Variants in EIF2AK3 observed in about 807,000 individuals in gnomAD.
EIF2AK3 encodes the protein eukaryotic translation initiation factor 2-alpha kinase 3.
In EIF2AK3, 50 loss-of-function variants were observed where a neutral mutation model predicts 113.5. The ratio of observed to expected loss-of-function variants is 0.44; its 90% CI spans 0.35 to 0.56. The LOEUF is 0.56. Ranked by LOEUF, EIF2AK3 falls within the 20% of genes least tolerant of loss-of-function variation. The probability of loss-of-function intolerance (pLI) is 0.00; values close to 1 mark genes in which losing one functional copy is unlikely to be tolerated. For synonymous variants in EIF2AK3, 448 were observed against 495.4 expected (o/e 0.90, Z 1.27); for missense variants, 1,185 against 1,378.0 (o/e 0.86, Z 2.22).
chr2:88,565,342 A>AT (rs1353439496), intron 14 of EIF2AK3, among the ~76,000 whole-genome samples: 7 of 138,364 alleles, frequency 5.1e-5, no homozygotes, highest in Non-Finnish European at 3.1e-5. Flanking sequence ...GGCCAAAAAA[A>AT]CTTTTTTTTT....
chr2:88,586,614 T>G (rs899434920), intron 8 of EIF2AK3, among the ~76,000 whole-genome samples: 22 of 148,920 alleles, frequency 1.5e-4, no homozygotes, highest in Non-Finnish European at 2.5e-4. Flanking sequence ...TTTTTTTTTT[T>G]GAGACAGGGT....
intron 2 of EIF2AK3, among the ~76,000 whole-genome samples, chr2:88,608,882 A>AT (rs70958959): frequency 8.1e-4 from 103 of 126,640 alleles, no homozygotes; most frequent in African/African-American, 1.2e-3. Context: ...TAATTTTTGT[A>AT]TTTTTTTTTT....
At chr2:88,569,442 G>C (rs1340186033) in intron 14 of EIF2AK3, among the ~76,000 whole-genome samples, 1 of 152,050 alleles carries the variant, frequency 6.6e-6, no homozygotes, top group East Asian at 1.9e-4. Flanking sequence ...AATGTTAAAA[G>C]TTGAGCTTTT....
chr2:88,587,453 TTCA>T (rs1432826893), intron 8 of EIF2AK3, among the ~76,000 whole-genome samples: 1 of 152,118 alleles, frequency 6.6e-6, no homozygotes, highest in Non-Finnish European at 1.5e-5. Flanking sequence ...GAAAATGTAT[TTCA>T]TGCCAAATCT....
upstream of EIF2AK3, chr2:88,627,465 A>G (rs1558669195): frequency 3.5e-5 from 22 of 623,830 alleles, no homozygotes; most frequent in East Asian, 7.5e-4. Flanking sequence ...GTGACAGCCT[A>G]TCTCGGACAT....
intron 1 of EIF2AK3, among the ~76,000 whole-genome samples, chr2:88,622,117 G>C (rs541797673): frequency 1.3e-5 from 2 of 152,132 alleles, no homozygotes; most frequent in Non-Finnish European, 2.9e-5. Flanking sequence ...GGCTGGTCTT[G>C]AACTCCTGAC....
At position 88,575,440 on chromosome 2, in the gene EIF2AK3, G is replaced by A. The variant is rs776493747; in HGVS notation, c.2043C>T (p.Asp681=). The part of the protein sequence containing the change: ...DEIWLKDEST[D]WPLSSPSPMD... ...TTGGGCTAGGAGAGCTGAGTGGCCA[G>A]TCTGTGCTAAAAGTGGGAGAAATAC... The change falls in exon 13 of 17, where the codon GAC becomes GAT. Residue 681 remains aspartate (D), a synonymous_variant. Coordinates refer to ENST00000303236, the MANE Select transcript of EIF2AK3 (RefSeq NM_004836.7). 1.7e-5 allele frequency: 28 copies of A among 1,606,556 alleles called. No homozygotes were observed. The highest frequency in any genetic ancestry group is 8.3e-5 in the Admixed American group (5 of 60,008).
chr2:88,570,728 T>C (rs1674283125), intron 14 of EIF2AK3, 146 bp downstream of exon 14: 1 of 1,013,008 alleles, frequency 9.9e-7, no homozygotes, highest in African/African-American at 1.6e-5. Context: ...TGTGTCACTA[T>C]TCCACTACTG....
At position 88,574,919 on chromosome 2, in the gene EIF2AK3, A is replaced by T; in HGVS notation, c.2564T>A (p.Ile855Asn). 6.2e-7 allele frequency: 1 copy of T among 1,614,238 alleles called. No individual in the cohort carries two copies. The highest frequency in any genetic ancestry group is 8.5e-7 in the Non-Finnish European group (1 of 1,180,034). The change falls in exon 13 of 17, where the codon ATT becomes AAT. Residue 855 changes from isoleucine to asparagine, a missense_variant. Transcript: ENST00000303236. ...SKSSSEATLSISPPRPTTLSL... is the reference protein window; with the variant it reads ...SKSSSEATLSNSPPRPTTLSL... ...TAAAGTGGTTGGTCTTGGAGGAGAA[A>T]TAGACAATGTAGCTTCAGAAGAAGA...
chr2:88,569,083 G>A (rs1324970524), intron 14 of EIF2AK3, among the ~76,000 whole-genome samples: 1 of 152,124 alleles, frequency 6.6e-6, no homozygotes, highest in Non-Finnish European at 1.5e-5. Context: ...AAGAGACGGG[G>A]TTTCACCATG....
intron 2 of EIF2AK3, among the ~76,000 whole-genome samples, chr2:88,609,814 A>C (rs539153451): frequency 6.6e-6 from 1 of 152,146 alleles, no homozygotes; most frequent in Non-Finnish European, 1.5e-5. Flanking sequence ...ATTCTAGAAT[A>C]CTGGAAAACT....
chr2:88,617,045 A>T (rs76207492), intron 1 of EIF2AK3, among the ~76,000 whole-genome samples: 7,611 of 152,260 alleles, frequency 0.05, 254 homozygotes, highest in Non-Finnish European at 0.078. Flanking sequence ...CCGGAGCAAT[A>T]AAGATTTGCT....
At chr2:88,607,060 A>T (rs1163533357) in intron 2 of EIF2AK3, among the ~76,000 whole-genome samples, 1 of 152,224 alleles carries the variant, frequency 6.6e-6, no homozygotes, top group Non-Finnish European at 1.5e-5. Flanking sequence ...AGTTATATAT[A>T]CACAATTACA....
chr2:88,623,655 G>T (rs1490602483), intron 1 of EIF2AK3, among the ~76,000 whole-genome samples: 4 of 152,058 alleles, frequency 2.6e-5, no homozygotes, highest in Non-Finnish European at 5.9e-5. Flanking sequence ...CAGAATTACC[G>T]GTCTATTATT....
intron 1 of EIF2AK3, among the ~76,000 whole-genome samples, chr2:88,617,490 C>T (rs1417285312): frequency 3.3e-5 from 5 of 152,136 alleles, no homozygotes; most frequent in South Asian, 2.1e-4. Context: ...GAGTACTGGC[C>T]GGGGGTGAGT....
At chr2:88,614,959 C>A (rs927425459) in intron 1 of EIF2AK3, among the ~76,000 whole-genome samples, 1 of 152,228 alleles carries the variant, frequency 6.6e-6, no homozygotes, top group East Asian at 1.9e-4. Flanking sequence ...GCTCAACAAT[C>A]ATAACACCCT....
At chr2:88,606,316 A>AT (rs1558660899) in intron 2 of EIF2AK3, among the ~76,000 whole-genome samples, 56 of 140,886 alleles carry the variant, frequency 4.0e-4, no homozygotes, top group African/African-American at 1.7e-3. Context: ...AATAAAATAA[A>AT]AAATAAAAAA....
chr2:88,596,378 A>C (rs1217851114), intron 2 of EIF2AK3, among the ~76,000 whole-genome samples: 3 of 152,194 alleles, frequency 2.0e-5, no homozygotes, highest in Non-Finnish European at 4.4e-5. Flanking sequence ...AAAGCAAACA[A>C]ATCACTGCCT....
Position 88,627,243 on chromosome 2 carries a change from A to G in EIF2AK3, c.32T>C (p.Val11Ala). The G allele has an allele frequency of 6.7e-7, 1 of 1,482,928 alleles. No homozygotes were observed. Among genetic ancestry groups the G allele is most frequent in the Non-Finnish European group, 8.9e-7 (1 of 1,123,080 alleles). The allele number at this position is 1,482,928 out of a possible 1,614,324, so 91.9% of individuals were successfully genotyped here. ...CAGCAGCAGCAGCAGCAGCGCCCGT[A>G]CCAGCAGCCCCGGGCTGATGGCGCG... MERAISPGLL[V>A]RALLLLLLLL... The change falls in exon 1 of 17, where the codon GTA becomes GCA. Residue 11 changes from valine (V) to alanine (A), a missense_variant. By Grantham distance (64) the Val-to-Ala change is moderately conservative (BLOSUM62 0). Transcript: ENST00000303236.
Sources: gnomAD v4.1 joint callset for allele counts (sites outside exome capture counted in the v4.1 genomes callset) on GRCh38, gnomAD v4.1.1 for gene constraint, MANE v1.5 for transcripts, NCBI Gene and HGNC (gene_info 2026-07-23, HGNC 2026-07-21) for gene names.